Variants in DLG2 observed in about 807,000 individuals in gnomAD.
The protein encoded by DLG2 is disks large homolog 2.
Under a neutral mutation model 132.5 loss-of-function variants are expected in DLG2, and 45 were observed. The observed-to-expected ratio is 0.34, with a 90% CI of 0.27 to 0.44. The LOEUF (loss-of-function observed/expected upper bound fraction) is 0.44, where lower values mean the gene tolerates loss of function less well. Among genes scored for constraint, DLG2 ranks in the 20% least tolerant of loss-of-function variants. The pLI, the probability that DLG2 is intolerant of heterozygous loss-of-function variation, is 1.00. For synonymous variants in DLG2, 424 were observed against 419.6 expected, an observed-to-expected ratio of 1.01 and a Z score of -0.13; for missense variants, 1,045 against 1,196.9, an observed-to-expected ratio of 0.87 and a Z score of 1.87.
intron 3 of DLG2, among the ~76,000 whole-genome samples, chr11:85,419,115 C>T (rs1272419496): frequency 6.6e-6 from 1 of 152,078 alleles, no homozygotes; most frequent in East Asian, 1.9e-4. Context: ...AAGGCCAGGC[C>T]CTGTGGTAAC....
intron 6 of DLG2, among the ~76,000 whole-genome samples, chr11:84,891,621 T>G (rs1327521389): frequency 1.3e-5 from 2 of 152,174 alleles, no homozygotes; most frequent in African/African-American, 4.8e-5. Context: ...TATATAGTAT[T>G]GGCATATTTA....
At chr11:84,604,939 T>A (rs1224531905) in intron 6 of DLG2, among the ~76,000 whole-genome samples, 2 of 152,026 alleles carry the variant, frequency 1.3e-5, no homozygotes, top group African/African-American at 4.8e-5. Context: ...TATTTTTAAC[T>A]ATTTGGTATA....
intron 6 of DLG2, among the ~76,000 whole-genome samples, chr11:84,570,329 T>C (rs1355459255): frequency 6.6e-6 from 1 of 152,196 alleles, no homozygotes; most frequent in East Asian, 1.9e-4. Flanking sequence ...AGGAAGGTCC[T>C]CCTGTCTTCC....
intron 6 of DLG2, among the ~76,000 whole-genome samples, chr11:84,944,522 T>A (rs550915070): frequency 5.9e-5 from 9 of 152,168 alleles, no homozygotes; most frequent in African/African-American, 2.2e-4. Context: ...TGAGAGACTC[T>A]TATGCATTGT....
intron 6 of DLG2, among the ~76,000 whole-genome samples, chr11:84,953,162 A>T (rs1486996413): frequency 1.3e-5 from 2 of 152,144 alleles, no homozygotes; most frequent in East Asian, 1.9e-4. Context: ...GAACAAACAA[A>T]TCGGTTCATG....
intron 9 of DLG2, among the ~76,000 whole-genome samples, chr11:84,162,943 A>T (rs2095579547): frequency 6.6e-6 from 1 of 152,076 alleles, no homozygotes. Context: ...TGTGTTGCAC[A>T]GTTTCCTTAA....
At chr11:85,205,647 T>G (rs141938633) in intron 4 of DLG2, among the ~76,000 whole-genome samples, 100 of 152,306 alleles carry the variant, frequency 6.6e-4, no homozygotes, top group African/African-American at 2.4e-3. Context: ...ATAGCGCATG[T>G]ATCCCCAAAA....
At chr11:83,698,703 T>C (rs2082330684) in intron 18 of DLG2, among the ~76,000 whole-genome samples, 1 of 152,220 alleles carries the variant, frequency 6.6e-6, no homozygotes, top group African/African-American at 2.4e-5. Flanking sequence ...ATAATATCTT[T>C]ACTGAGTTTT....
intron 3 of DLG2, among the ~76,000 whole-genome samples, chr11:85,465,538 G>A (rs1459489182): frequency 3.3e-5 from 5 of 151,916 alleles, no homozygotes; most frequent in Non-Finnish European, 5.9e-5. Flanking sequence ...TCCCACCTAT[G>A]AGTGAGAACA....
chr11:83,796,375 C>T (rs1282725056), intron 17 of DLG2, among the ~76,000 whole-genome samples: 3 of 152,198 alleles, frequency 2.0e-5, no homozygotes, highest in Admixed American at 1.3e-4. Flanking sequence ...GTTCTGCCCT[C>T]TGATGGCTCA....
chr11:84,557,416 A>G (rs1252276010), intron 6 of DLG2, among the ~76,000 whole-genome samples: 1 of 152,166 alleles, frequency 6.6e-6, no homozygotes, highest in Non-Finnish European at 1.5e-5. Flanking sequence ...AAATTTGTTT[A>G]TATACACATA....
intron 3 of DLG2, among the ~76,000 whole-genome samples, chr11:85,587,933 C>T (rs1338396618): frequency 2.0e-5 from 3 of 152,054 alleles, no homozygotes; most frequent in African/African-American, 7.2e-5. Flanking sequence ...GAAAGATGAC[C>T]TTATCTCTCC....
chr11:84,362,686 A>G (rs546307717), intron 7 of DLG2, among the ~76,000 whole-genome samples: 6 of 151,768 alleles, frequency 4.0e-5, no homozygotes, highest in Non-Finnish European at 8.8e-5. Flanking sequence ...CAGTCCCCAG[A>G]GTGTGATGTT....
intron 11 of DLG2, 145 bp downstream of exon 11, chr11:84,059,170 T>C (rs2096551936): frequency 1.5e-6 from 1 of 688,744 alleles, no homozygotes. Flanking sequence ...TCCTTTACCC[T>C]TTGTAACCAC....
intron 4 of DLG2, among the ~76,000 whole-genome samples, chr11:85,259,152 T>C (rs112664526): frequency 6.2e-4 from 95 of 152,216 alleles, no homozygotes; most frequent in Middle Eastern, 3.4e-3. Flanking sequence ...GAGAGGTCAT[T>C]GGATTATGGG....
At chr11:85,439,592 C>T (rs997781464) in intron 3 of DLG2, among the ~76,000 whole-genome samples, 1 of 152,062 alleles carries the variant, frequency 6.6e-6, no homozygotes, top group African/African-American at 2.4e-5. Context: ...ATCTCCTGAC[C>T]TCATGATGTA....
intron 6 of DLG2, among the ~76,000 whole-genome samples, chr11:84,731,921 C>A (rs78677816): frequency 6.6e-6 from 1 of 151,916 alleles, no homozygotes; most frequent in Non-Finnish European, 1.5e-5. Flanking sequence ...CCCTTTATAA[C>A]CTCTACCCCT....
intron 26 of DLG2, among the ~76,000 whole-genome samples, chr11:83,462,389 T>C (rs2090196494): frequency 1.3e-5 from 2 of 152,194 alleles, no homozygotes; most frequent in African/African-American, 2.4e-5. Context: ...ATATCCTCCA[T>C]GGTAGGCCCT....
intron 6 of DLG2, among the ~76,000 whole-genome samples, chr11:84,743,869 C>T (rs1415617958): frequency 9.2e-5 from 14 of 151,950 alleles, no homozygotes; most frequent in East Asian, 5.8e-4. Context: ...GGACTACAGG[C>T]GCCTGCCACT....
Sources: gnomAD v4.1 joint callset for allele counts (sites outside exome capture counted in the v4.1 genomes callset) on GRCh38, gnomAD v4.1.1 for gene constraint, MANE v1.5 for transcripts, NCBI Gene and HGNC (gene_info 2026-07-23, HGNC 2026-07-21) for gene names.